The following CTNNA3 variants were observed in gnomAD, a reference collection of about 807,000 sequenced individuals.
The protein encoded by CTNNA3 is catenin alpha 3.
A neutral mutation model predicts 95.7 loss-of-function variants in CTNNA3; 76 were observed. That is an observed-to-expected ratio of 0.79 (90% CI 0.66 to 0.96). The LOEUF (loss-of-function observed/expected upper bound fraction) is 0.96. Ranked by LOEUF, CTNNA3 falls within the 40% of genes least tolerant of loss-of-function variation. The pLI is 0.00. For synonymous variants in CTNNA3, 431 were observed against 374.4 expected (o/e 1.15, Z -1.74); for missense variants, 1,191 against 1,089.8 (o/e 1.09, Z -1.31).
intron 7 of CTNNA3, among the ~76,000 whole-genome samples, chr10:66,983,064 AG>A (rs1320152684): frequency 1.3e-5 from 2 of 152,240 alleles, no homozygotes; most frequent in Admixed American, 1.3e-4. Context: ...CTGGTCAAGC[AG>A]GGGTTTTTTG....
chr10:67,751,128 G>T, intron 1 of CTNNA3: 1 of 1,346,252 alleles, frequency 7.4e-7, no homozygotes, highest in South Asian at 1.2e-5. Context: ...TACATTGAAT[G>T]ATGAGGAGAT....
chr10:66,467,167 GTC>G (rs1838951006), intron 11 of CTNNA3, among the ~76,000 whole-genome samples: 1 of 151,982 alleles, frequency 6.6e-6, no homozygotes, highest in African/African-American at 2.4e-5. Flanking sequence ...TAGAATTTAG[GTC>G]TCAGTCAAGG....
At chr10:66,383,225 A>C (rs954764415) in intron 11 of CTNNA3, among the ~76,000 whole-genome samples, 1 of 152,192 alleles carries the variant, frequency 6.6e-6, no homozygotes, top group Non-Finnish European at 1.5e-5. Context: ...GGCTAACTAG[A>C]ATAAACAGTG....
At chr10:67,133,471 G>A (rs973211358) in intron 7 of CTNNA3, among the ~76,000 whole-genome samples, 2 of 151,002 alleles carry the variant, frequency 1.3e-5, no homozygotes, top group African/African-American at 4.9e-5. Context: ...CTGATTTAAA[G>A]CTGAAGCTTT....
chr10:67,536,210 G>C (rs1307136419), intron 4 of CTNNA3, among the ~76,000 whole-genome samples: 1 of 152,060 alleles, frequency 6.6e-6, no homozygotes, highest in African/African-American at 2.4e-5. Flanking sequence ...CCTAGAAAAG[G>C]GGAGACATAG....
chr10:67,283,208 T>C (rs1296920746), intron 5 of CTNNA3, among the ~76,000 whole-genome samples: 2 of 152,148 alleles, frequency 1.3e-5, no homozygotes, highest in Non-Finnish European at 2.9e-5. Context: ...TCACCAGGAA[T>C]GTCAGGCAAC....
At chr10:67,266,779 T>A (rs759360960) in intron 5 of CTNNA3, among the ~76,000 whole-genome samples, 2 of 152,146 alleles carry the variant, frequency 1.3e-5, no homozygotes, top group Non-Finnish European at 1.5e-5. Flanking sequence ...ACATATTGCA[T>A]AGTTCAAAAT....
chr10:66,393,324 T>C (rs1015230120), intron 11 of CTNNA3, among the ~76,000 whole-genome samples: 9 of 152,058 alleles, frequency 5.9e-5, no homozygotes, highest in African/African-American at 9.7e-5. Flanking sequence ...TCAAAATCCA[T>C]AGAATTTACA....
At chr10:66,402,196 C>A (rs1426122643) in intron 11 of CTNNA3, among the ~76,000 whole-genome samples, 1 of 152,004 alleles carries the variant, frequency 6.6e-6, no homozygotes, top group Admixed American at 6.6e-5. Context: ...ATCACTAACC[C>A]AACAGATATA....
chr10:67,600,673 G>GT (rs1362589323), intron 3 of CTNNA3, among the ~76,000 whole-genome samples: 2 of 152,160 alleles, frequency 1.3e-5, no homozygotes, highest in African/African-American at 4.8e-5. Flanking sequence ...CTGGGCATAT[G>GT]TATACCTTAT....
intron 11 of CTNNA3, among the ~76,000 whole-genome samples, chr10:66,379,554 CAT>C (rs1263642527): frequency 1.3e-5 from 2 of 152,052 alleles, no homozygotes; most frequent in Non-Finnish European, 2.9e-5. Flanking sequence ...TGAAATATAA[CAT>C]GTTACATTTT....
chr10:66,729,030 T>G (rs1848867392), intron 9 of CTNNA3, among the ~76,000 whole-genome samples: 1 of 152,238 alleles, frequency 6.6e-6, no homozygotes, highest in Non-Finnish European at 1.5e-5. Context: ...TACTTGTTTT[T>G]GTCAAGTTTG....
chr10:66,533,321 G>A (rs141205756), intron 10 of CTNNA3, among the ~76,000 whole-genome samples: 1,683 of 152,104 alleles, frequency 0.011, 14 homozygotes, highest in Non-Finnish European at 0.017. Flanking sequence ...ATTTTCTCAC[G>A]AAAACTTTAT....
chr10:66,673,479 C>CACTTTTATAA, intron 9 of CTNNA3, among the ~76,000 whole-genome samples: 1 of 151,940 alleles, frequency 6.6e-6, no homozygotes, highest in Non-Finnish European at 1.5e-5. Flanking sequence ...AAAGTAATGA[C>CACTTTTATAA]CACAAATAAA....
intron 12 of CTNNA3, among the ~76,000 whole-genome samples, chr10:66,328,580 T>A (rs1283944924): frequency 2.0e-5 from 3 of 151,904 alleles, no homozygotes; most frequent in African/African-American, 7.2e-5. Context: ...CAGGATTTCT[T>A]TCCTGAAATC....
At chr10:66,341,943 A>G (rs566524207) in intron 12 of CTNNA3, among the ~76,000 whole-genome samples, 1 of 151,562 alleles carries the variant, frequency 6.6e-6, no homozygotes, top group African/African-American at 2.4e-5. Flanking sequence ...TGAAGTAGGC[A>G]TCATTATGTG....
At chr10:67,029,138 T>A (rs1270576958) in intron 7 of CTNNA3, among the ~76,000 whole-genome samples, 2 of 152,236 alleles carry the variant, frequency 1.3e-5, no homozygotes, top group African/African-American at 4.8e-5. Flanking sequence ...TTCAGCATAA[T>A]CACCTCTTTT....
intron 5 of CTNNA3, among the ~76,000 whole-genome samples, chr10:67,443,283 T>G (rs946488450): frequency 6.7e-6 from 1 of 150,236 alleles, no homozygotes; most frequent in East Asian, 2.0e-4. Context: ...TATAGCAGCA[T>G]GATTTATAGT....
At chr10:66,382,982 G>A (rs1409386220) in intron 11 of CTNNA3, among the ~76,000 whole-genome samples, 1 of 152,158 alleles carries the variant, frequency 6.6e-6, no homozygotes, top group Non-Finnish European at 1.5e-5. Flanking sequence ...CCACAAAGAT[G>A]GGAAGAAACC....
Sources: gnomAD v4.1 joint callset for allele counts (sites outside exome capture counted in the v4.1 genomes callset) on GRCh38, gnomAD v4.1.1 for gene constraint, MANE v1.5 for transcripts, NCBI Gene and HGNC (gene_info 2026-07-23, HGNC 2026-07-21) for gene names.